Variants in CSPG4 observed in about 807,000 individuals in gnomAD.
CSPG4 encodes the protein chondroitin sulfate proteoglycan 4.
In CSPG4, 74 loss-of-function variants were observed where a neutral mutation model predicts 139.3. That is an observed-to-expected ratio of 0.53 (90% CI 0.44 to 0.64). The LOEUF (loss-of-function observed/expected upper bound fraction) is 0.64, where lower values mean the gene tolerates loss of function less well. Ranked by LOEUF, CSPG4 falls within the 30% of genes least tolerant of loss-of-function variation. The pLI, the probability that CSPG4 is intolerant of heterozygous loss-of-function variation, is 0.00. For missense variants in CSPG4, 2,565 were observed against 3,148.3 expected, an observed-to-expected ratio of 0.81 and a Z score of 4.43; for synonymous variants, 1,234 against 1,394.2, an observed-to-expected ratio of 0.89 and a Z score of 2.56.
Position 75,689,400 on chromosome 15 carries a change from G to A in CSPG4, c.1665C>T (p.Ile555=). 6.2e-7 allele frequency: 1 copy of A among 1,612,712 alleles called. No homozygotes were observed. The highest frequency in any genetic ancestry group is 1.1e-5 in the South Asian group (1 of 91,058). Residue 555 remains isoleucine (I), a synonymous_variant, in exon 3 of 10, where the codon ATC becomes ATT. Coordinates refer to ENST00000308508, the MANE Select transcript of CSPG4 (RefSeq NM_001897.5). ...QVNPVNDPPH[I]IFPHGSLMVI... ...CCATGAGGCTGCCATGTGGGAAGATGATGTGGGGTGGGTCATTGACAGGGT... is the reference window on the plus strand; with the variant it reads ...CCATGAGGCTGCCATGTGGGAAGATAATGTGGGGTGGGTCATTGACAGGGT...
intron 1 of CSPG4, among the ~76,000 whole-genome samples, chr15:75,707,276 C>T (rs952751227): frequency 6.6e-6 from 1 of 152,240 alleles, no homozygotes. Context: ...AAGAACTTAA[C>T]ATAAATTTCT....
rs1028469420 is a variant in CSPG4 at position 75,696,200 on chromosome 15, T to C, written c.89-2967A>G. On this transcript the variant is annotated intron_variant, in intron 1 of 9. Transcript: ENST00000308508. This position sits in a 1 kb window ranked among gnomAD's most constrained non-coding sequence, Gnocchi z 4.2. ...CCTCCCACCCCTTCCCCCTCCTGAC[T>C]GTGGGGATTAGTCCTGGGGGTCTCT... Among the ~76,000 whole-genome samples, 2 of 152,044 alleles carry C rather than the reference T, an allele frequency of 1.3e-5. No individual in the cohort carries two copies. Among genetic ancestry groups the C allele is most frequent in the South Asian group, 4.1e-4 (2 of 4,824 alleles).
At chr15:75,683,848 T>G (rs1212720271) in intron 5 of CSPG4, among the ~76,000 whole-genome samples, 4 of 152,086 alleles carry the variant, frequency 2.6e-5, no homozygotes, top group Non-Finnish European at 1.5e-5. Flanking sequence ...GCCATAATGT[T>G]GCGGGGCAGG....
In CSPG4 at chr15:75,682,483, C is replaced by T. The variant is rs766171318; in HGVS notation, c.4784-24G>A. On this transcript the variant is annotated intron_variant, in intron 7 of 9. Transcript: ENST00000308508. ...CCCTGCCAGAGGCAAAAGGGGATATCAGATTTTGACTGGGAGCCAGGTCCA... is the reference window on the plus strand; with the variant it reads ...CCCTGCCAGAGGCAAAAGGGGATATTAGATTTTGACTGGGAGCCAGGTCCA... The T allele has an allele frequency of 2.2e-5, 34 of 1,570,678 alleles. No homozygotes were observed. In the Middle Eastern group the frequency reaches 5.7e-4, roughly 26 times the overall value.
rs762055286 is a variant in CSPG4 at position 75,689,964 on chromosome 15, C to A, written c.1101G>T (p.Leu367=). ...DLSVNGQRRG[L]REALLTRNMA... is the part of the protein sequence containing the mutation. ...TGTTGCGCGTCAGCAAAGCTTCCCG[C>A]AGCCCCCGCCTCTGGCCATTGACAC... is the stretch of plus-strand genomic sequence containing the variant. Residue 367 remains leucine (L), a synonymous_variant, in exon 3 of 10, where the codon CTG becomes CTT. Coordinates refer to ENST00000308508, the MANE Select transcript of CSPG4 (RefSeq NM_001897.5). 4.3e-6 allele frequency: 7 copies of A among 1,610,454 alleles called. No homozygotes were observed. The highest frequency in any genetic ancestry group is 5.1e-6 in the Non-Finnish European group (6 of 1,178,550).
intron 1 of CSPG4, among the ~76,000 whole-genome samples, chr15:75,695,603 CCT>C (rs1254686187): frequency 1.3e-5 from 2 of 152,154 alleles, no homozygotes; most frequent in East Asian, 1.9e-4. Context: ...TTTTTCTGCC[CCT>C]CTTACACTCT....
chr15:75,687,983 G>A lies in CSPG4; in HGVS notation c.3082C>T (p.His1028Tyr), dbSNP rs1277283071. The A allele has an allele frequency of 6.2e-7, 1 of 1,612,572 alleles. No individual in the cohort carries two copies. Among genetic ancestry groups the A allele is most frequent in the Non-Finnish European group, 8.5e-7 (1 of 1,179,830 alleles). ...AGCCGCCGCCCACCCCGGGCCACAT[G>A]GAAGATCCGGCTGATGGTCTGCACA... ...APVQTISRIF[H>Y]VARGGRRLLT... Residue 1028 changes from histidine to tyrosine, a missense_variant, in exon 3 of 10, where the codon CAT becomes TAT. Coordinates refer to ENST00000308508, the MANE Select transcript of CSPG4 (RefSeq NM_001897.5). The surrounding 1 kb of genome is among the most constrained non-coding windows in gnomAD (Gnocchi z 5.4).
At chr15:75,678,760 C>G in intron 8 of CSPG4, 2 of 456,338 alleles carry the variant, frequency 4.4e-6, no homozygotes, top group South Asian at 3.1e-5. Flanking sequence ...CTCCCCCAGG[C>G]ATTCTTGGGT....
In CSPG4 at chr15:75,696,243, G is replaced by T. The variant is rs2141434372; in HGVS notation, c.89-3010C>A. Among the ~76,000 whole-genome samples, 1 of 152,230 alleles carries T rather than the reference G, an allele frequency of 6.6e-6. No homozygotes were observed. The highest frequency in any genetic ancestry group is 2.1e-4 in the South Asian group (1 of 4,810). On this transcript the variant is annotated intron_variant, in intron 1 of 9. Coordinates refer to ENST00000308508, the MANE Select transcript of CSPG4 (RefSeq NM_001897.5). This position sits in a 1 kb window ranked among gnomAD's most constrained non-coding sequence, Gnocchi z 4.2. ...GGGTCTCTCCCTGATCTAGGAGTTT[G>T]CTGTCCATATGGATGTGGGGAAGGT...
Position 75,685,680 on chromosome 15 carries a change from G to A in CSPG4, c.3811C>T (p.Pro1271Ser), listed in dbSNP as rs770201135. 2.5e-6 allele frequency: 4 copies of A among 1,599,776 alleles called. No individual in the cohort carries two copies. Among genetic ancestry groups the A allele is most frequent in the Non-Finnish European group, 1.7e-6 (2 of 1,177,066 alleles). ...QLEAAQEAVP[P>S]ADIVFSVKSP... is the part of the protein sequence containing the mutation. ...TTCACTGAGAATACGATGTCTGCAG[G>A]TGGCACTGCCTCCTGGGCTGCCTGG... is the stretch of plus-strand genomic sequence containing the variant. Residue 1271 changes from proline to serine, a missense_variant, in exon 4 of 10, where the codon CCT becomes TCT. Pro to Ser is a moderately conservative substitution (Grantham distance 74, BLOSUM62 -1). Transcript: ENST00000308508.
rs1316954996 is a variant in CSPG4, at chr15:75,676,116, GGGCCCTCCCCTCT to G, written c.6390_6402del (p.Glu2131ProfsTer81). 1 of 1,536,394 alleles carries G rather than the reference GGGCCCTCCCCTCT, an allele frequency of 6.5e-7. No homozygotes were observed. Among genetic ancestry groups the G allele is most frequent in the African/African-American group, 1.4e-5 (1 of 73,092 alleles). ...GTGAGACTGTCACCTGCGGGGCCGG[GGGCCCTCCCCTCT>G]GGCCTGCCCACCTCCAGCCCCAGCC... On this transcript the variant is annotated frameshift_variant, in exon 10 of 10. Coordinates refer to ENST00000308508, the MANE Select transcript of CSPG4 (RefSeq NM_001897.5). LOFTEE classifies it high-confidence loss of function.
chr15:75,695,576 C>T (rs561084711), intron 1 of CSPG4, among the ~76,000 whole-genome samples: 3 of 152,320 alleles, frequency 2.0e-5, no homozygotes. Context: ...GCCACTCCCT[C>T]CACCTCCTGG....
chr15:75,685,139 C>T, intron 4 of CSPG4, 80 bp downstream of exon 4: 2 of 1,495,998 alleles, frequency 1.3e-6, no homozygotes, highest in Non-Finnish European at 1.8e-6. Context: ...GTATAACCCC[C>T]AGACTGGGAG....
intron 1 of CSPG4, among the ~76,000 whole-genome samples, chr15:75,707,472 A>G (rs1406934902): frequency 1.3e-5 from 2 of 152,214 alleles, no homozygotes; most frequent in African/African-American, 4.8e-5. Context: ...CAGGTCCCCA[A>G]CATTTCAGAT....
At position 75,674,715 on chromosome 15, in the gene CSPG4, A is replaced by C. The variant is rs1269043249; in HGVS notation, c.*835T>G. 1 of 398,686 alleles carries C rather than the reference A, an allele frequency of 2.5e-6. No homozygotes were observed. Among genetic ancestry groups the C allele is most frequent in the East Asian group, 3.6e-5 (1 of 28,092 alleles). 24.7% of individuals were successfully genotyped at this position (398,686 alleles called of 1,614,324 possible). Reference sequence around the variant, plus strand: ...GTCCTCAGGGGGGCACTGGCACCGCAGTGGCCTCGGCCTGAGACCCTCGAT... The same window carrying C: ...GTCCTCAGGGGGGCACTGGCACCGCCGTGGCCTCGGCCTGAGACCCTCGAT... On this transcript the variant is annotated 3_prime_UTR_variant, in exon 10 of 10. Transcript: ENST00000308508.
rs773980449 is a variant in CSPG4 at position 75,689,009 on chromosome 15, G to A, written c.2056C>T (p.Leu686=). The part of the protein sequence containing the change: ...GSAMPILPAN[L]SVETNAVGQD... ...CCCACGGCATTGGTCTCCACCGACA[G>A]GTTGGCGGGCAAGATGGGCATGGCA... Residue 686 remains leucine (L), a synonymous_variant, in exon 3 of 10, where the codon CTG becomes TTG. Transcript: ENST00000308508. 6.2e-6 allele frequency: 10 copies of A among 1,612,172 alleles called. No individual in the cohort carries two copies. The highest frequency in any genetic ancestry group is 6.8e-6 in the Non-Finnish European group (8 of 1,180,020).
chr15:75,677,378 C>A lies in CSPG4; in HGVS notation c.5141G>T (p.Trp1714Leu), dbSNP rs1457110394. Residue 1714 changes from tryptophan to leucine, a missense_variant, in exon 10 of 10, where the codon TGG (tryptophan) becomes TTG (leucine). This residue lies in a region of CSPG4 where 2,316 missense variants were observed against 2,818.2 expected (regional missense o/e 0.82). Transcript: ENST00000308508. ...CCTGGCCCGCTGGCCCTCGGGGACC[C>A]AGAGACCTGGGGGTGGGACATAGGC... ...PSHLWKNKGL[W>L]VPEGQRARIT... is the part of the protein sequence containing the mutation. 1 of 1,395,584 alleles carries A rather than the reference C, an allele frequency of 7.2e-7. No individual in the cohort carries two copies. 86.5% of individuals were successfully genotyped at this position (1,395,584 alleles called of 1,614,324 possible). A position where few individuals can be genotyped will look rare whatever the true frequency, so the allele number is the denominator to read the frequency against.
At position 75,709,762 on chromosome 15, in the gene CSPG4, G is replaced by A. The variant is rs575419829; in HGVS notation, c.88+2906C>T. The stretch of plus-strand genomic sequence containing the variant: ...ACACGCACCCTACTCCCCTCCTGCC[G>A]TCATCGACAGCCGCCTGGCCCACCT... On this transcript the variant is annotated intron_variant, in intron 1 of 9. Coordinates refer to ENST00000308508, the MANE Select transcript of CSPG4 (RefSeq NM_001897.5). 1.6e-3 allele frequency among the ~76,000 whole-genome samples: 239 copies of A among 152,216 alleles called. 3 individuals are homozygous for A. The highest frequency in any genetic ancestry group is 2.6e-3 in the Non-Finnish European group (174 of 67,972).
rs1279988489 is a variant in CSPG4, at chr15:75,688,059, C to T, written c.3006G>A (p.Glu1002=). 6.2e-7 allele frequency: 1 copy of T among 1,612,724 alleles called. No homozygotes were observed. Among genetic ancestry groups the T allele is most frequent in the Non-Finnish European group, 8.5e-7 (1 of 1,179,838 alleles). ...TGGCCACTCGGAAGACACCCCGTAC[C>T]TCCTCCCAGGCCATGTCACCACTGC... ...GESSGDMAWE[E]VRGVFRVAIQ... The change falls in exon 3 of 10, where the codon GAG becomes GAA. Residue 1002 remains glutamate, a synonymous_variant. Transcript: ENST00000308508.
Sources: gnomAD v4.1 joint callset for allele counts (sites outside exome capture counted in the v4.1 genomes callset) on GRCh38, gnomAD v4.1.1 for gene constraint, gnomAD v4.1.1 regional missense constraint, Gnocchi (gnomAD v3.1) non-coding constraint, MANE v1.5 for transcripts, NCBI Gene and HGNC (gene_info 2026-07-23, HGNC 2026-07-21) for gene names.